Variants in FCHSD2 observed in about 807,000 individuals in gnomAD.
The protein encoded by FCHSD2 is FCH and double SH3 domains 2.
A neutral mutation model predicts 108.1 loss-of-function variants in FCHSD2; 38 were observed. The ratio of observed to expected loss-of-function variants is 0.35; its 90% CI spans 0.27 to 0.46. FCHSD2 has a LOEUF of 0.46. Ranked by LOEUF, FCHSD2 falls within the 20% of genes least tolerant of loss-of-function variation. The pLI is 1.00. For missense variants in FCHSD2, 751 were observed against 897.8 expected (o/e 0.84, Z 2.09); for synonymous variants, 279 against 314.7 (o/e 0.89, Z 1.20).
chr11:72,955,636 A>C (rs1416747296), intron 8 of FCHSD2, among the ~76,000 whole-genome samples: 13 of 152,194 alleles, frequency 8.5e-5, no homozygotes, highest in Admixed American at 5.9e-4. Flanking sequence ...TACTTCATTA[A>C]GACAAGATTC....
At chr11:72,927,378 CTG>C (rs1050984409) in intron 8 of FCHSD2, among the ~76,000 whole-genome samples, 3 of 152,084 alleles carry the variant, frequency 2.0e-5, no homozygotes, top group Non-Finnish European at 2.9e-5. Context: ...CTAATGTAAA[CTG>C]TGAATTTGGG....
At chr11:73,138,276 A>G (rs1180865816) in intron 2 of FCHSD2, among the ~76,000 whole-genome samples, 1 of 152,264 alleles carries the variant, frequency 6.6e-6, no homozygotes, top group Non-Finnish European at 1.5e-5. Flanking sequence ...AAGTCAGCAC[A>G]GATATCAGGA....
At chr11:73,109,097 C>A (rs1250169492) in intron 2 of FCHSD2, among the ~76,000 whole-genome samples, 1 of 152,144 alleles carries the variant, frequency 6.6e-6, no homozygotes, top group Non-Finnish European at 1.5e-5. Context: ...ACCTGTGTGT[C>A]TGTTTTTATG....
At chr11:72,954,290 C>T (rs1856673033) in intron 8 of FCHSD2, among the ~76,000 whole-genome samples, 1 of 149,580 alleles carries the variant, frequency 6.7e-6, no homozygotes, top group African/African-American at 2.5e-5. Flanking sequence ...TCACTGCAAG[C>T]CTCAAACACC....
At chr11:72,897,815 C>G (rs908513843) in intron 10 of FCHSD2, among the ~76,000 whole-genome samples, 2 of 152,106 alleles carry the variant, frequency 1.3e-5, no homozygotes, top group African/African-American at 4.8e-5. Context: ...TTATTATAGA[C>G]AGGAAGATTT....
chr11:73,068,735 C>A (rs544365801), intron 3 of FCHSD2, among the ~76,000 whole-genome samples: 18 of 144,816 alleles, frequency 1.2e-4, no homozygotes, highest in African/African-American at 3.6e-4. Flanking sequence ...TTTGGGAGGC[C>A]GAGGCAAGAG....
intron 10 of FCHSD2, among the ~76,000 whole-genome samples, chr11:72,900,800 C>T (rs1433844106): frequency 3.3e-5 from 5 of 152,118 alleles, no homozygotes; most frequent in Non-Finnish European, 5.9e-5. Flanking sequence ...ATGAAGATAT[C>T]GCTGGCAAAT....
chr11:72,934,639 T>C (rs1484751803), intron 8 of FCHSD2, among the ~76,000 whole-genome samples: 9 of 152,142 alleles, frequency 5.9e-5, no homozygotes, highest in African/African-American at 2.2e-4. Context: ...TGGCCATAAA[T>C]TTCTTAATCA....
intron 10 of FCHSD2, among the ~76,000 whole-genome samples, chr11:72,900,779 T>C (rs990448361): frequency 6.6e-6 from 1 of 152,170 alleles, no homozygotes; most frequent in Admixed American, 6.5e-5. Context: ...ACTTAAAGTA[T>C]AAGAAAAGTA....
chr11:73,137,594 A>T (rs1379589997), intron 2 of FCHSD2, among the ~76,000 whole-genome samples: 1 of 152,208 alleles, frequency 6.6e-6, no homozygotes, highest in Non-Finnish European at 1.5e-5. Context: ...AACTTCAAAG[A>T]CTTCATCTGA....
At chr11:72,929,720 G>A (rs1565327666) in intron 8 of FCHSD2, among the ~76,000 whole-genome samples, 1 of 152,058 alleles carries the variant, frequency 6.6e-6, no homozygotes, top group Non-Finnish European at 1.5e-5. Flanking sequence ...CCAACGATCA[G>A]AATAAAAATT....
chr11:72,943,548 G>A (rs185197764), intron 8 of FCHSD2, among the ~76,000 whole-genome samples: 20 of 152,292 alleles, frequency 1.3e-4, no homozygotes. Flanking sequence ...GAAAGGGAAG[G>A]AAATTGAAGA....
chr11:73,077,999 T>C (rs1371832546), intron 3 of FCHSD2, among the ~76,000 whole-genome samples: 2 of 152,204 alleles, frequency 1.3e-5, no homozygotes, highest in Non-Finnish European at 2.9e-5. Flanking sequence ...ATTTCTGGGA[T>C]GCTGTTAATG....
At chr11:72,839,870 G>A (rs944358484) in intron 19 of FCHSD2, among the ~76,000 whole-genome samples, 10 of 152,262 alleles carry the variant, frequency 6.6e-5, no homozygotes, top group East Asian at 1.9e-4. Context: ...GCAAGAGTGC[G>A]TTCAACAACT....
chr11:72,882,165 G>C (rs1031734231), intron 12 of FCHSD2, among the ~76,000 whole-genome samples: 1 of 151,782 alleles, frequency 6.6e-6, no homozygotes, highest in Non-Finnish European at 1.5e-5. Flanking sequence ...AGCAGAGGCT[G>C]GGCATGGTGG....
chr11:72,990,747 G>C (rs186002943), intron 5 of FCHSD2, among the ~76,000 whole-genome samples: 84 of 152,308 alleles, frequency 5.5e-4, no homozygotes, highest in Non-Finnish European at 1.1e-3. Context: ...ATGCCCACAA[G>C]AGAAAGCAGG....
At chr11:72,993,187 T>C (rs1378749181) in intron 5 of FCHSD2, among the ~76,000 whole-genome samples, 2 of 151,938 alleles carry the variant, frequency 1.3e-5, no homozygotes, top group African/African-American at 4.8e-5. Context: ...ATCAGAGAAA[T>C]GCAAATCAAA....
intron 3 of FCHSD2, among the ~76,000 whole-genome samples, chr11:73,067,854 T>G (rs1859333448): frequency 6.6e-6 from 1 of 152,210 alleles, no homozygotes; most frequent in Non-Finnish European, 1.5e-5. Flanking sequence ...ATTTTCACAC[T>G]GCTGATAAAG....
chr11:72,946,330 G>C (rs987662563), intron 8 of FCHSD2, among the ~76,000 whole-genome samples: 1 of 150,066 alleles, frequency 6.7e-6, no homozygotes, highest in Non-Finnish European at 1.5e-5. Context: ...CTCACTCATA[G>C]GTGGGAATTG....
Sources: gnomAD v4.1 joint callset for allele counts (sites outside exome capture counted in the v4.1 genomes callset) on GRCh38, gnomAD v4.1.1 for gene constraint, MANE v1.5 for transcripts, NCBI Gene and HGNC (gene_info 2026-07-23, HGNC 2026-07-21) for gene names.